SOCS2: variants seen among roughly 807,000 people sequenced by gnomAD.
SOCS2 encodes the protein CIS-2.
SOCS2 carries 10 observed loss-of-function variants against 18.6 expected under a neutral mutation model. The observed-to-expected ratio is 0.54, with a 90% confidence interval of 0.33 to 0.91. The LOEUF (loss-of-function observed/expected upper bound fraction) is 0.91. SOCS2 is among the 40% of genes least tolerant of loss of function. The pLI, the probability that SOCS2 is intolerant of heterozygous loss-of-function variation, is 0.02. For synonymous variants in SOCS2, 104 were observed against 104.0 expected, an observed-to-expected ratio of 1.00 and a Z score of 0.00; for missense variants, 231 against 247.2, an observed-to-expected ratio of 0.93 and a Z score of 0.44.
downstream of SOCS2, among the ~76,000 whole-genome samples, chr12:93,578,447 T>C (rs1592835042): frequency 6.6e-6 from 1 of 152,216 alleles, no homozygotes; most frequent in Non-Finnish European, 1.5e-5. Flanking sequence ...TGAGTGGCTG[T>C]GGTTATGTCT....
the SOCS2 span, among the ~76,000 whole-genome samples, chr12:93,591,678 G>C: frequency 2.0e-5 from 3 of 152,162 alleles, no homozygotes; most frequent in Non-Finnish European, 4.4e-5. Context: ...AGACGCGTCC[G>C]GGGCGCCGCT....
the SOCS2 span, among the ~76,000 whole-genome samples, chr12:93,608,678 A>G: frequency 2.0e-4 from 31 of 152,300 alleles, no homozygotes; most frequent in African/African-American, 7.5e-4. Context: ...AATTTTTGGT[A>G]TTATTTCTGA....
chr12:93,617,640 A>G, the SOCS2 span, among the ~76,000 whole-genome samples: 3 of 152,152 alleles, frequency 2.0e-5, no homozygotes, highest in Non-Finnish European at 4.4e-5. Flanking sequence ...CAGATACTCC[A>G]CATATTTATA....
downstream of SOCS2, among the ~76,000 whole-genome samples, chr12:93,577,501 C>T (rs1954482597): frequency 6.6e-6 from 1 of 151,448 alleles, no homozygotes; most frequent in African/African-American, 2.4e-5. Context: ...AAGAGGCATT[C>T]CAGGAATATC....
At chr12:93,607,706 A>G in the SOCS2 span, among the ~76,000 whole-genome samples, 6 of 152,226 alleles carry the variant, frequency 3.9e-5, no homozygotes, top group Non-Finnish European at 8.8e-5. Flanking sequence ...TTGAAACTTC[A>G]TGACGAGCAA....
At chr12:93,606,224 C>T in the SOCS2 span, among the ~76,000 whole-genome samples, 3 of 152,254 alleles carry the variant, frequency 2.0e-5, no homozygotes, top group Middle Eastern at 3.4e-3. Flanking sequence ...GAAATTTGGT[C>T]TTTGTTCTGC....
At chr12:93,596,462 G>C in the SOCS2 span, among the ~76,000 whole-genome samples, 1 of 152,166 alleles carries the variant, frequency 6.6e-6, no homozygotes, top group Non-Finnish European at 1.5e-5. Flanking sequence ...GGAAGTCATG[G>C]TTATATCAGA....
the SOCS2 span, among the ~76,000 whole-genome samples, chr12:93,614,467 C>CTTCCT: frequency 1.2e-5 from 1 of 81,074 alleles, no homozygotes; most frequent in Non-Finnish European, 2.2e-5. Flanking sequence ...TCCTTCCTTC[C>CTTCCT]TTCCTTCCTT....
chr12:93,619,707 A>G, the SOCS2 span, among the ~76,000 whole-genome samples: 6 of 152,228 alleles, frequency 3.9e-5, no homozygotes, highest in Non-Finnish European at 7.3e-5. Flanking sequence ...CAGGATTCCA[A>G]CTGAGGTTCC....
downstream of SOCS2, among the ~76,000 whole-genome samples, chr12:93,587,726 A>G (rs1954593269): frequency 6.6e-6 from 1 of 152,078 alleles, no homozygotes; most frequent in Non-Finnish European, 1.5e-5. Context: ...GAGCCAGGCA[A>G]GGCAGTTCCA....
chr12:93,622,688 C>T, the SOCS2 span, among the ~76,000 whole-genome samples: 2 of 152,150 alleles, frequency 1.3e-5, no homozygotes, highest in African/African-American at 4.8e-5. Flanking sequence ...CTCACACTTC[C>T]TGCCCTTAAG....
chr12:93,614,607 CTTTCT>C, the SOCS2 span, among the ~76,000 whole-genome samples: 2 of 107,668 alleles, frequency 1.9e-5, no homozygotes, highest in African/African-American at 4.0e-5. Flanking sequence ...TTCTTTCTTT[CTTTCT>C]TTCTTTCTTT....
At chr12:93,578,459 A>G (rs1954495709), downstream of SOCS2, among the ~76,000 whole-genome samples, 1 of 152,130 alleles carries the variant, frequency 6.6e-6, no homozygotes, top group Non-Finnish European at 1.5e-5. Context: ...GTTATGTCTA[A>G]CAGCTGGGCT....
the SOCS2 span, among the ~76,000 whole-genome samples, chr12:93,613,702 T>C: frequency 0.066 from 10,044 of 152,250 alleles, 585 homozygotes; most frequent in East Asian, 0.26. Flanking sequence ...TAGTTAACAA[T>C]TGAGTACTCT....
Position 93,572,883 on chromosome 12 carries a change from G to GGTGACCCTTCTCTC in SOCS2, c.-14_-1dup, listed in dbSNP as rs1565838850. On this transcript the variant is annotated 5_prime_UTR_variant, in exon 1 of 2. Coordinates refer to ENST00000551556, the MANE Select transcript of SOCS2 (RefSeq NM_001270471.2). The surrounding 1 kb of genome is among the most constrained non-coding windows in gnomAD (Gnocchi z 5.0). ...TCGGGCGGCCACCTGTCTTTGCCGC[G>GGTGACCCTTCTCTC]GTGACCCTTCTCTCATGACCCTGCG... 6 of 1,567,098 alleles carry GGTGACCCTTCTCTC rather than the reference G, an allele frequency of 3.8e-6. No homozygotes were observed. Among genetic ancestry groups the GGTGACCCTTCTCTC allele is most frequent in the Non-Finnish European group, 5.2e-6 (6 of 1,155,340 alleles).
chr12:93,591,708 T>C, the SOCS2 span, among the ~76,000 whole-genome samples: 2 of 152,296 alleles, frequency 1.3e-5, no homozygotes, highest in African/African-American at 2.4e-5. Context: ...CAGGACCTTA[T>C]GTAACCCAGC....
chr12:93,575,121 G>A lies in SOCS2; in HGVS notation c.539G>A (p.Gly180Glu). The A allele has an allele frequency of 1.3e-6, 2 of 1,596,292 alleles. No homozygotes were observed. The highest frequency in any genetic ancestry group is 1.7e-6 in the Non-Finnish European group (2 of 1,174,638). The change falls in exon 2 of 2, where the codon GGA becomes GAA. Residue 180 changes from glycine to glutamate, a missense_variant. By Grantham distance (98) the Gly-to-Glu change is moderately conservative. Around this residue, in one of 3 missense-constraint regions of SOCS2, gnomAD observed 122 missense variants for 127.2 expected, o/e 0.96. Coordinates refer to ENST00000551556, the MANE Select transcript of SOCS2 (RefSeq NM_001270471.2). ...AACAAATGTACCGGTGCCATCTGGG[G>A]ACTGCCTTTACCAACAAGACTAAAA... The part of the protein sequence containing the change: ...TINKCTGAIW[G>E]LPLPTRLKDY...
At chr12:93,579,782 G>A (rs1470108223), downstream of SOCS2, among the ~76,000 whole-genome samples, 6 of 152,208 alleles carry the variant, frequency 3.9e-5, no homozygotes, top group Non-Finnish European at 7.3e-5. Flanking sequence ...TCATGGAGCA[G>A]AGCTGGCTTT....
Position 93,576,361 on chromosome 12 carries a change from A to C in SOCS2, c.*1182A>C, listed in dbSNP as rs539219163. The C allele has an allele frequency of 6.6e-6, 1 of 152,442 alleles. No homozygotes were observed. The highest frequency in any genetic ancestry group is 1.5e-5 in the Non-Finnish European group (1 of 68,028). The allele number at this position is 152,442 out of a possible 1,614,324, so 9.4% of individuals were successfully genotyped here. ...TATGGGCTGTACCTGCCCCCTTTGC[A>C]ATTTGGAAAGCATGGTTTAGAAACT... On this transcript the variant is annotated 3_prime_UTR_variant, in exon 2 of 2. Transcript: ENST00000551556.
Sources: gnomAD v4.1 joint callset for allele counts (sites outside exome capture counted in the v4.1 genomes callset) on GRCh38, gnomAD v4.1.1 for gene constraint, gnomAD v4.1.1 regional missense constraint, Gnocchi (gnomAD v3.1) non-coding constraint, MANE v1.5 for transcripts, NCBI Gene and HGNC (gene_info 2026-07-23, HGNC 2026-07-21) for gene names.